Variants in TYW1B observed in about 807,000 individuals in gnomAD.
TYW1B encodes S-adenosyl-L-methionine-dependent tRNA 4-demethylwyosine synthase TYW1B.
In TYW1B, 73 loss-of-function variants were observed where a neutral mutation model predicts 86.9. That is an observed-to-expected ratio of 0.84 (90% CI 0.70 to 1.02). TYW1B has a LOEUF of 1.02. TYW1B is among the 50% of genes least tolerant of loss of function. The pLI, the probability that TYW1B is intolerant of heterozygous loss-of-function variation, is 0.00. For synonymous variants in TYW1B, 248 were observed against 292.8 expected, an observed-to-expected ratio of 0.85 and a Z score of 1.56; for missense variants, 637 against 827.4, an observed-to-expected ratio of 0.77 and a Z score of 2.82.
At chr7:72,751,764 T>C (rs781900421) in intron 7 of TYW1B, among the ~76,000 whole-genome samples, 2 of 152,272 alleles carry the variant, frequency 1.3e-5, no homozygotes, top group Non-Finnish European at 2.9e-5. Context: ...GGTTCATTCA[T>C]TCTTTTATTT....
intron 11 of TYW1B, among the ~76,000 whole-genome samples, chr7:72,637,979 C>T (rs1812712932): frequency 6.6e-6 from 1 of 151,686 alleles, no homozygotes; most frequent in Non-Finnish European, 1.5e-5. Flanking sequence ...TTTATCTCTG[C>T]CTGCTTTTAA....
chr7:72,815,940 G>C (rs1788714318), intron 2 of TYW1B, among the ~76,000 whole-genome samples: 1 of 152,074 alleles, frequency 6.6e-6, no homozygotes, highest in African/African-American at 2.4e-5. Flanking sequence ...GAGAAGGAAG[G>C]ATCCCCTGAG....
At chr7:72,621,115 T>C (rs1279139568) in intron 12 of TYW1B, among the ~76,000 whole-genome samples, 1 of 151,676 alleles carries the variant, frequency 6.6e-6, no homozygotes, top group Non-Finnish European at 1.5e-5. Flanking sequence ...CAATGGGAGG[T>C]GTTTGGGTCA....
At chr7:72,703,234 C>A (rs1814533438) in intron 10 of TYW1B, among the ~76,000 whole-genome samples, 1 of 151,166 alleles carries the variant, frequency 6.6e-6, no homozygotes, top group African/African-American at 2.4e-5. Flanking sequence ...CCGTGTTAGC[C>A]AGGATAGTCT....
chr7:72,752,528 C>T (rs1228751901), intron 7 of TYW1B, among the ~76,000 whole-genome samples: 1 of 151,974 alleles, frequency 6.6e-6, no homozygotes, highest in Non-Finnish European at 1.5e-5. Context: ...GTGAAGAGTT[C>T]GAGACCACTC....
intron 7 of TYW1B, among the ~76,000 whole-genome samples, chr7:72,763,425 G>A (rs1380047607): frequency 1.3e-5 from 2 of 151,524 alleles, no homozygotes; most frequent in African/African-American, 4.8e-5. Flanking sequence ...TGGGATTACA[G>A]GCGCCCACCA....
At position 72,632,337 on chromosome 7, in the gene TYW1B, GTATA is replaced by G. The variant is rs1183826001; in HGVS notation, c.1507-3344_1507-3341del. On this transcript the variant is annotated intron_variant, in intron 11 of 13. Transcript: ENST00000620995. ...TTATATATATTATATATATATACAC[GTATA>G]TATATTATATATATTATATATATAC... is the stretch of plus-strand genomic sequence containing the variant. Among the ~76,000 whole-genome samples the G allele has an allele frequency of 4.4e-3, 392 of 88,970 alleles. 4 individuals carry two copies. The highest frequency in any genetic ancestry group is 5.7e-3 in the Non-Finnish European group (281 of 49,180). 58.4% of individuals were successfully genotyped at this position (88,970 alleles called of 152,430 possible). A position where few individuals can be genotyped will look rare whatever the true frequency, so the allele number is the denominator to read the frequency against.
chr7:72,796,511 C>T (rs1554474484), intron 6 of TYW1B, among the ~76,000 whole-genome samples: 1 of 151,706 alleles, frequency 6.6e-6, no homozygotes, highest in Non-Finnish European at 1.5e-5. Flanking sequence ...GCTGGGATTA[C>T]AGGCATGAGC....
At chr7:72,606,529 C>G (rs1554434880) in intron 13 of TYW1B, among the ~76,000 whole-genome samples, 1 of 152,032 alleles carries the variant, frequency 6.6e-6, no homozygotes, top group East Asian at 1.9e-4. Flanking sequence ...CAAGGCACCT[C>G]TCCCCCATAC....
chr7:72,575,740 C>T, intron 13 of TYW1B, 21 bp from the exon 14 acceptor site: 1 of 1,585,314 alleles, frequency 6.3e-7, no homozygotes, highest in Non-Finnish European at 8.6e-7. Context: ...AAAAATGTGT[C>T]AAGTCAGAAG....
chr7:72,683,256 G>C (rs1813921297), intron 11 of TYW1B, among the ~76,000 whole-genome samples: 1 of 152,178 alleles, frequency 6.6e-6, no homozygotes, highest in Non-Finnish European at 1.5e-5. Context: ...TCACAGTCCA[G>C]GGGTACAGCC....
chr7:72,582,641 TG>T (rs1811182494), intron 13 of TYW1B, among the ~76,000 whole-genome samples: 1 of 152,194 alleles, frequency 6.6e-6, no homozygotes, highest in Non-Finnish European at 1.5e-5. Flanking sequence ...ACAGAGCTGG[TG>T]ATCTCAGGAT....
intron 3 of TYW1B, among the ~76,000 whole-genome samples, chr7:72,814,590 A>C (rs1554479020): frequency 6.6e-6 from 1 of 151,890 alleles, no homozygotes. Context: ...TCTCAAAAAA[A>C]AAACAAAAAA....
At chr7:72,656,540 G>A (rs1377518026) in intron 11 of TYW1B, among the ~76,000 whole-genome samples, 2 of 152,162 alleles carry the variant, frequency 1.3e-5, no homozygotes, top group Middle Eastern at 3.4e-3. Flanking sequence ...CCTGGGAGGT[G>A]GAGTTTGCAG....
At chr7:72,628,149 G>A (rs782483435) in intron 12 of TYW1B, among the ~76,000 whole-genome samples, 59 of 152,220 alleles carry the variant, frequency 3.9e-4, no homozygotes, top group Non-Finnish European at 3.5e-4. Flanking sequence ...CAGGCATAGT[G>A]GCGTGCACCT....
intron 7 of TYW1B, among the ~76,000 whole-genome samples, chr7:72,757,609 A>G (rs1787615065): frequency 6.6e-6 from 1 of 152,160 alleles, no homozygotes; most frequent in Non-Finnish European, 1.5e-5. Flanking sequence ...TGGCCTAGAA[A>G]GCAATTCGAT....
chr7:72,818,450 T>C (rs1304725943), intron 2 of TYW1B, among the ~76,000 whole-genome samples: 2 of 125,794 alleles, frequency 1.6e-5, no homozygotes, highest in Non-Finnish European at 3.1e-5. Flanking sequence ...TGTGGTGGCA[T>C]ATACCTGTGG....
Position 72,616,846 on chromosome 7 carries a change from A to C in TYW1B, c.1618-7T>G, listed in dbSNP as rs781998023. The C allele has an allele frequency of 6.2e-7, 1 of 1,614,154 alleles. No homozygotes were observed. The highest frequency in any genetic ancestry group is 1.1e-5 in the South Asian group (1 of 91,082). On this transcript the variant is annotated splice_region_variant and splice_polypyrimidine_tract_variant and intron_variant, in intron 12 of 13. Transcript: ENST00000620995. ...CTCTGCAGTAGGTAACGCCCTGTGG[A>C]AACAGTATAACCATCAGAGATGACT...
In TYW1B at chr7:72,604,996, A is replaced by AGCCT. The variant is rs1331199982; in HGVS notation, c.1785+11672_1785+11675dup. ...ATACTTACTATCCTAGCCGCTAAGT[A>AGCCT]GCCTGCCTCTTATCAAATGCAGAAG... is the stretch of plus-strand genomic sequence containing the variant. On this transcript the variant is annotated intron_variant, in intron 13 of 13. Transcript: ENST00000620995. 1.1e-4 allele frequency among the ~76,000 whole-genome samples: 16 copies of AGCCT among 152,350 alleles called. No individual in the cohort carries two copies. In the East Asian group the frequency reaches 2.5e-3, roughly 24 times the overall value.
Sources: allele counts gnomAD v4.1 joint callset (sites outside exome capture counted in the v4.1 genomes callset), GRCh38; gene constraint gnomAD v4.1.1; transcripts MANE v1.5; gene names NCBI Gene and HGNC (gene_info 2026-07-23, HGNC 2026-07-21).